The following PKD1L3 variants were observed in gnomAD, a reference collection of about 807,000 sequenced individuals.
PKD1L3 encodes polycystin-1-like protein 3.
Under a neutral mutation model 184.1 loss-of-function variants are expected in PKD1L3, and 239 were observed. That is an observed-to-expected ratio of 1.30 (90% CI 1.17 to 1.45). The LOEUF (loss-of-function observed/expected upper bound fraction) is 1.45. PKD1L3 is among the 40% of genes most tolerant of loss of function. PKD1L3 has a pLI of 0.00. For synonymous variants in PKD1L3, 996 were observed against 778.8 expected, an observed-to-expected ratio of 1.28 and a Z score of -4.64; for missense variants, 2,660 against 2,067.2, an observed-to-expected ratio of 1.29 and a Z score of -5.56.
rs539106323 is a variant in PKD1L3, at chr16:71,937,281, T to G, written c.4452+11A>C. 8.4e-6 allele frequency: 13 copies of G among 1,548,528 alleles called. No homozygotes were observed. The African/African-American group carries it at 1.1e-4, about 13-fold the overall frequency. On this transcript the variant is annotated intron_variant, in intron 25 of 29. Coordinates refer to ENST00000620267, the MANE Select transcript of PKD1L3 (RefSeq NM_181536.2). ...TGTTGCCCAGGCTGACATCTAACAT[T>G]ATTGACTCACCTGTATGAAGGCATA...
intron 3 of PKD1L3, chr16:71,991,292 T>C (rs1041599207): frequency 4.4e-6 from 1 of 229,660 alleles, no homozygotes; most frequent in Non-Finnish European, 1.0e-5. Context: ...CCTGAAAGTC[T>C]TGTGAGAAGA....
chr16:71,986,827 C>T (rs1423688373), intron 4 of PKD1L3, among the ~76,000 whole-genome samples: 4 of 149,778 alleles, frequency 2.7e-5, no homozygotes, highest in Non-Finnish European at 4.4e-5. Flanking sequence ...AATTATGTCA[C>T]ATATTAAATA....
At chr16:71,971,992 G>A (rs1269904935) in intron 12 of PKD1L3, among the ~76,000 whole-genome samples, 11 of 152,102 alleles carry the variant, frequency 7.2e-5, no homozygotes, top group African/African-American at 2.4e-4. Flanking sequence ...CGAGGCAGGC[G>A]GATCACGAGG....
At chr16:71,970,224 C>A (rs1415007668) in intron 12 of PKD1L3, 119 bp from the exon 13 acceptor site, 18 of 763,364 alleles carry the variant, frequency 2.4e-5, no homozygotes, top group Non-Finnish European at 3.4e-5. Context: ...TCATTCACAG[C>A]TGGTGATGGC....
At chr16:71,993,406 A>G (rs1221869768) in intron 2 of PKD1L3, 74 bp from the exon 3 acceptor site, 1 of 912,392 alleles carries the variant, frequency 1.1e-6, no homozygotes, top group Non-Finnish European at 1.6e-6. Context: ...CCATCATTAC[A>G]TGCACGTATG....
At chr16:71,983,887 T>C (rs2040259286) in intron 6 of PKD1L3, 149 bp downstream of exon 6, 10 of 1,115,224 alleles carry the variant, frequency 9.0e-6, no homozygotes, top group South Asian at 1.7e-5. Context: ...GGTCTTGAAC[T>C]CCTGGCCTCA....
At chr16:71,999,056 G>GGA (rs2040882930) in intron 1 of PKD1L3, among the ~76,000 whole-genome samples, 1 of 151,914 alleles carries the variant, frequency 6.6e-6, no homozygotes, top group African/African-American at 2.4e-5. Context: ...CGGATCACGA[G>GGA]GTCAGGAGAT....
intron 22 of PKD1L3, among the ~76,000 whole-genome samples, chr16:71,945,662 A>G (rs991626099): frequency 2.0e-5 from 3 of 151,852 alleles, no homozygotes; most frequent in Non-Finnish European, 2.9e-5. Context: ...TGGGCGACAG[A>G]GCAAGACTCC....
At chr16:71,937,143 C>T in intron 25 of PKD1L3, 149 bp downstream of exon 25, 1 of 730,536 alleles carries the variant, frequency 1.4e-6, no homozygotes. Flanking sequence ...GCAACCTCTG[C>T]CTCCCAGGCT....
rs369318474 is a variant in PKD1L3 at position 71,986,330 on chromosome 16, G to A, written c.725C>T (p.Thr242Met). The A allele has an allele frequency of 5.2e-4, 806 of 1,552,078 alleles. 2 individuals are homozygous for A. The African/African-American group carries it at 9.8e-3, about 19-fold the overall frequency. The change falls in exon 5 of 30, where the codon ACG becomes ATG. Residue 242 changes from threonine to methionine, a missense_variant. Transcript: ENST00000620267. ...ITQLTMPVSV[T>M]HAGQSLAETT... ...TTCTGCCAGAGATTGCCCAGCATGC[G>A]TGACAGACACGGGCATGGTGAGCTG...
chr16:71,987,793 T>C (rs943681873), intron 4 of PKD1L3, among the ~76,000 whole-genome samples: 4 of 152,140 alleles, frequency 2.6e-5, no homozygotes, highest in Non-Finnish European at 5.9e-5. Context: ...CATGAGGCAC[T>C]GTGTCTGATG....
chr16:71,986,506 C>G, intron 4 of PKD1L3, 37 bp from the exon 5 acceptor site: 6 of 1,523,166 alleles, frequency 3.9e-6, no homozygotes, highest in Non-Finnish European at 4.4e-6. Flanking sequence ...AAGACTGAAT[C>G]TGATTTTACC....
At chr16:71,969,804 T>G in intron 13 of PKD1L3, 71 bp downstream of exon 13, 1 of 1,337,856 alleles carries the variant, frequency 7.5e-7, no homozygotes. Context: ...TTGACGAAGG[T>G]GTTTTTTCCT....
rs780411042 is a variant in PKD1L3, at chr16:71,933,556, C to T, written c.4825-35G>A. 7.0e-6 allele frequency: 10 copies of T among 1,418,514 alleles called. No individual in the cohort carries two copies. The African/African-American group carries it at 7.1e-5, about 10-fold the overall frequency. The allele number at this position is 1,418,514 out of a possible 1,614,324, so 87.9% of individuals were successfully genotyped here. ...AGGAGAAAGGCCAGTTAGTGCAAGC[C>T]GAGCGCACATCTTTCTATCCTGAGG... On this transcript the variant is annotated intron_variant, in intron 27 of 29. Coordinates refer to ENST00000620267, the MANE Select transcript of PKD1L3 (RefSeq NM_181536.2).
At chr16:71,978,130 G>A (rs2039999800) in intron 10 of PKD1L3, 125 bp downstream of exon 10, 8 of 1,172,078 alleles carry the variant, frequency 6.8e-6, no homozygotes, top group African/African-American at 1.6e-5. Context: ...TTCCTAAGAT[G>A]TTAATAACAA....
At chr16:71,982,320 T>C in intron 6 of PKD1L3, 85 bp from the exon 7 acceptor site, 1 of 1,216,698 alleles carries the variant, frequency 8.2e-7, no homozygotes, top group East Asian at 2.7e-5. Flanking sequence ...AGTTTCACTC[T>C]TGTTGCCCAG....
Position 71,937,352 on chromosome 16 carries a change from G to C in PKD1L3, c.4392C>G (p.Val1464=). ...AGATGACTTGTGAGATGATAGACCA[G>C]ACACAGCCCTTCTTTGACATCTGAA... The part of the protein sequence containing the change: ...TSLQMSKKGC[V]WSIISQVIYY... The change falls in exon 25 of 30, where the codon GTC becomes GTG. Residue 1464 remains valine (V), a synonymous_variant. Transcript: ENST00000620267. 1.3e-6 allele frequency: 2 copies of C among 1,551,658 alleles called. No homozygotes were observed. The highest frequency in any genetic ancestry group is 1.7e-6 in the Non-Finnish European group (2 of 1,146,978).
Position 71,949,913 on chromosome 16 carries a change from A to C in PKD1L3, c.3488T>G (p.Phe1163Cys). The C allele has an allele frequency of 6.4e-7, 1 of 1,551,718 alleles. No individual in the cohort carries two copies. The highest frequency in any genetic ancestry group is 8.7e-7 in the Non-Finnish European group (1 of 1,146,998). The change falls in exon 21 of 30, where the codon TTC becomes TGC. Residue 1163 changes from phenylalanine to cysteine, a missense_variant. Transcript: ENST00000620267. ...AAAAAAGGCTGAAGCCAGGCTAGTG[A>C]AACCTAAGAGGAGCCAGCAGACTGA... ...LTSVCWLLLG[F>C]TSLASAFFTA... is the part of the protein sequence containing the mutation.
chr16:71,936,735 G>A (rs1031559593), intron 25 of PKD1L3, among the ~76,000 whole-genome samples: 8 of 151,942 alleles, frequency 5.3e-5, no homozygotes, highest in Admixed American at 2.0e-4. Context: ...CGCCTGCCTC[G>A]GCCTCCTAAA....
Sources: allele counts gnomAD v4.1 joint callset (sites outside exome capture counted in the v4.1 genomes callset), GRCh38; gene constraint gnomAD v4.1.1; transcripts MANE v1.5; gene names NCBI Gene and HGNC (gene_info 2026-07-23, HGNC 2026-07-21).